Variants in UNC79 observed in about 807,000 individuals in gnomAD.
UNC79 encodes protein unc-79 homolog.
A neutral mutation model predicts 283.1 loss-of-function variants in UNC79; 37 were observed. The ratio of observed to expected loss-of-function variants is 0.13; its 90% CI spans 0.10 to 0.17. The LOEUF (loss-of-function observed/expected upper bound fraction) is 0.17. Ranked by LOEUF, UNC79 falls within the 10% of genes least tolerant of loss-of-function variation. The pLI is 1.00. For missense variants in UNC79, 2,272 were observed against 3,211.1 expected, an observed-to-expected ratio of 0.71 and a Z score of 7.07; for synonymous variants, 1,107 against 1,200.2, an observed-to-expected ratio of 0.92 and a Z score of 1.61.
rs1268614374 is a variant in UNC79 at position 93,487,288 on chromosome 14, C to G, written c.620-375C>G. 2.6e-5 allele frequency among the ~76,000 whole-genome samples: 4 copies of G among 152,150 alleles called. No homozygotes were observed. The South Asian group carries it at 8.3e-4, about 32-fold the overall frequency. On this transcript the variant is annotated intron_variant, in intron 4 of 48. Transcript: ENST00000555664. ...TTTAAAAACCTTTCCTTTTTATTTTCTCATTGGGATACCCTTCAATATGTC... is the reference window on the plus strand; with the variant it reads ...TTTAAAAACCTTTCCTTTTTATTTTGTCATTGGGATACCCTTCAATATGTC...
At chr14:93,618,103 T>G in intron 28 of UNC79, 89 bp from the exon 30 acceptor site, 1 of 1,394,126 alleles carries the variant, frequency 7.2e-7, no homozygotes, top group Non-Finnish European at 9.7e-7. Flanking sequence ...CCCCAAGAGA[T>G]ACTGCAAAAA....
intron 1 of UNC79, among the ~76,000 whole-genome samples, chr14:93,342,145 T>A (rs1457628932): frequency 6.6e-6 from 1 of 152,204 alleles, no homozygotes; most frequent in Admixed American, 6.5e-5. Flanking sequence ...ATAGTAGAGA[T>A]TCTCCATGAG....
chr14:93,508,068 C>G (rs2059636289), intron 7 of UNC79, among the ~76,000 whole-genome samples: 1 of 152,046 alleles, frequency 6.6e-6, no homozygotes, highest in African/African-American at 2.4e-5. Context: ...GTCTTAAATA[C>G]TTTTATGTTA....
chr14:93,503,268 A>C (rs1360672762), intron 7 of UNC79, among the ~76,000 whole-genome samples: 1 of 152,148 alleles, frequency 6.6e-6, no homozygotes, highest in Non-Finnish European at 1.5e-5. Context: ...TATTCTACCA[A>C]ATGAATGTAC....
At chr14:93,459,828 G>A (rs2140208290) in intron 1 of UNC79, among the ~76,000 whole-genome samples, 1 of 56,690 alleles carries the variant, frequency 1.8e-5, no homozygotes, top group Middle Eastern at 5.8e-3. Flanking sequence ...CCACCACCAC[G>A]CCCGGCTAAT....
chr14:93,413,435 A>T (rs1305346828), intron 1 of UNC79, among the ~76,000 whole-genome samples: 3 of 150,536 alleles, frequency 2.0e-5, no homozygotes, highest in Non-Finnish European at 4.4e-5. Context: ...ATTGTTGGCC[A>T]TTTGGGTTGG....
chr14:93,658,877 T>TCCATCCAC (rs1247776053), intron 38 of UNC79, among the ~76,000 whole-genome samples: 1 of 152,120 alleles, frequency 6.6e-6, no homozygotes, highest in Non-Finnish European at 1.5e-5. Context: ...CATCCATCCA[T>TCCATCCAC]CCATCCACCC....
In UNC79 at chr14:93,603,092, T is replaced by C. The variant is rs1057346609; in HGVS notation, c.3575-147T>C. ...ATGATAGGCAATAGTTATTTTTGTA[T>C]GTAGGACTCATCATAGAGGGAGATG... On this transcript the variant is annotated intron_variant, in intron 25 of 48. Transcript: ENST00000555664. The C allele has an allele frequency of 6.7e-6, 6 of 891,762 alleles. No individual in the cohort carries two copies. The African/African-American group carries it at 8.4e-5, about 12-fold the overall frequency. 55.2% of individuals were successfully genotyped at this position (891,762 alleles called of 1,614,324 possible).
intron 1 of UNC79, among the ~76,000 whole-genome samples, chr14:93,443,568 T>G (rs761498994): frequency 4.6e-5 from 7 of 151,774 alleles, no homozygotes; most frequent in Non-Finnish European, 8.8e-5. Context: ...GGATTACAGG[T>G]GCACACCACC....
At chr14:93,687,407 T>C (rs2074328084) in intron 43 of UNC79, among the ~76,000 whole-genome samples, 1 of 152,208 alleles carries the variant, frequency 6.6e-6, no homozygotes, top group South Asian at 2.1e-4. Context: ...AAAAGATGAA[T>C]AGTTTGAGAG....
exon 15 of UNC79, chr14:93,572,026 G>C (rs2063232251): frequency 6.2e-7 from 1 of 1,614,084 alleles, no homozygotes; most frequent in African/African-American, 1.3e-5. Flanking sequence ...GGAATGGCTG[G>C]AAGCCATCAG....
intron 20 of UNC79, 98 bp downstream of exon 20, chr14:93,582,442 G>T: frequency 6.6e-7 from 1 of 1,518,726 alleles, no homozygotes; most frequent in Non-Finnish European, 8.8e-7. Context: ...GGCAAATTCA[G>T]ACGTGGTTTC....
chr14:93,507,702 T>A (rs2059615297), intron 7 of UNC79, among the ~76,000 whole-genome samples: 5 of 152,196 alleles, frequency 3.3e-5, no homozygotes, highest in Admixed American at 2.6e-4. Context: ...TTGATGAGCA[T>A]GAGTTTTTAA....
intron 24 of UNC79, among the ~76,000 whole-genome samples, chr14:93,598,365 C>CGTGTGTGTGT (rs71301930): frequency 6.4e-4 from 41 of 64,088 alleles, no homozygotes; most frequent in African/African-American, 1.4e-3. Flanking sequence ...TATTGCATAA[C>CGTGTGTGTGT]GTGTGTGTGT....
intron 2 of UNC79, among the ~76,000 whole-genome samples, chr14:93,470,405 A>C (rs993731789): frequency 6.6e-6 from 1 of 152,220 alleles, no homozygotes; most frequent in African/African-American, 2.4e-5. Context: ...CTATAAAATC[A>C]GTTGAAGAGT....
At chr14:93,374,407 G>A (rs935769010) in intron 1 of UNC79, among the ~76,000 whole-genome samples, 3 of 152,188 alleles carry the variant, frequency 2.0e-5, no homozygotes, top group Non-Finnish European at 2.9e-5. Context: ...CAGCTTTAAG[G>A]TTTAATGTTT....
intron 14 of UNC79, among the ~76,000 whole-genome samples, chr14:93,555,510 T>C (rs1219928056): frequency 1.3e-5 from 2 of 152,142 alleles, no homozygotes; most frequent in Non-Finnish European, 2.9e-5. Context: ...TTCAGGTGAT[T>C]ATCCTGCCTC....
chr14:93,521,327 C>T (rs937130402), intron 7 of UNC79, among the ~76,000 whole-genome samples: 1 of 151,980 alleles, frequency 6.6e-6, no homozygotes, highest in African/African-American at 2.4e-5. Context: ...TTTTACCTTA[C>T]ATACATTTTA....
At chr14:93,353,703 A>G (rs2054023328) in intron 1 of UNC79, among the ~76,000 whole-genome samples, 1 of 152,072 alleles carries the variant, frequency 6.6e-6, no homozygotes, top group African/African-American at 2.4e-5. Context: ...CTCTCCTCAA[A>G]CTTGCTCTTC....
Sources: allele counts gnomAD v4.1 joint callset (sites outside exome capture counted in the v4.1 genomes callset), GRCh38; gene constraint gnomAD v4.1.1; transcripts MANE v1.5; gene names NCBI Gene and HGNC (gene_info 2026-07-23, HGNC 2026-07-21).